The following SBDS variants were observed in gnomAD, a reference collection of about 807,000 sequenced individuals.
SBDS encodes the protein ribosome maturation protein SBDS.
In SBDS, 20 loss-of-function variants were observed where a neutral mutation model predicts 26.4. The ratio of observed to expected loss-of-function variants is 0.76; its 90% CI spans 0.53 to 1.10. The LOEUF (loss-of-function observed/expected upper bound fraction) is 1.10, where lower values mean the gene tolerates loss of function less well. SBDS is among the 50% of genes least tolerant of loss of function. The pLI, the probability that SBDS is intolerant of heterozygous loss-of-function variation, is 0.00. For synonymous variants in SBDS, 95 were observed against 105.1 expected (o/e 0.90, Z 0.59); for missense variants, 241 against 302.0 (o/e 0.80, Z 1.50).
Position 66,994,283 on chromosome 7 carries a change from C to A in SBDS, c.187G>T (p.Gly63Cys). Residue 63 changes from glycine (G) to cysteine (C), a missense_variant, in exon 2 of 5, where the codon GGT (glycine) becomes TGT (cysteine). Gly to Cys is a radical substitution (Grantham distance 159, BLOSUM62 -3). Transcript: ENST00000246868. ...THSVFVNVSK[G>C]QVAKKEDLIS... ...AGATCTTCCTTTTTGGCAACCTGAC[C>A]TTTAGAAACATTTACAAACACTGAG... is the stretch of plus-strand genomic sequence containing the variant. The A allele has an allele frequency of 6.2e-7, 1 of 1,614,098 alleles. No individual in the cohort carries two copies. The highest frequency in any genetic ancestry group is 8.5e-7 in the Non-Finnish European group (1 of 1,179,978).
Position 66,995,514 on chromosome 7 carries a change from G to A in SBDS, c.-97C>T, listed in dbSNP as rs1234688256. On this transcript the variant is annotated 5_prime_UTR_variant, in exon 1 of 5. Transcript: ENST00000246868. ...CGCCTCGCGGTAACGACCGATCGGC[G>A]CGCGGCACTGACCCAACCACCAGTG... is the stretch of plus-strand genomic sequence containing the variant. The A allele has an allele frequency of 1.3e-6, 2 of 1,578,660 alleles. No homozygotes were observed. Among genetic ancestry groups the A allele is most frequent in the Non-Finnish European group, 1.7e-6 (2 of 1,155,162 alleles).
chr7:66,992,157 T>C (rs996598583), intron 3 of SBDS, among the ~76,000 whole-genome samples: 3 of 152,308 alleles, frequency 2.0e-5, no homozygotes, highest in Middle Eastern at 3.4e-3. Flanking sequence ...TTCCGTACAG[T>C]GGGCTATTAT....
rs758052005 is a variant in SBDS at position 66,993,331 on chromosome 7, C to T, written c.345G>A (p.Val115=). 5 of 1,614,024 alleles carry T rather than the reference C, an allele frequency of 3.1e-6. No individual in the cohort carries two copies. ...EQMFRDIATI[V]ADKCVNPETK... Reference sequence around the variant, plus strand: ...TTTCAGGATTCACACATTTGTCTGCCACAATAGTTGCAATGTCCCTAAACA... The same window carrying T: ...TTTCAGGATTCACACATTTGTCTGCTACAATAGTTGCAATGTCCCTAAACA... The change falls in exon 3 of 5, where the codon GTG becomes GTA. Residue 115 remains valine (V), a synonymous_variant. Coordinates refer to ENST00000246868, the MANE Select transcript of SBDS (RefSeq NM_016038.4).
At position 66,993,336 on chromosome 7, in the gene SBDS, T is replaced by A; in HGVS notation, c.340A>T (p.Ile114Phe). ...LEQMFRDIATIVADKCVNPET... is the reference protein window; with the variant it reads ...LEQMFRDIATFVADKCVNPET... ...GGATTCACACATTTGTCTGCCACAATAGTTGCAATGTCCCTAAACATCTGC... is the reference window on the plus strand; with the variant it reads ...GGATTCACACATTTGTCTGCCACAAAAGTTGCAATGTCCCTAAACATCTGC... The change falls in exon 3 of 5, where the codon ATT (isoleucine) becomes TTT (phenylalanine). Residue 114 changes from isoleucine (I) to phenylalanine (F), a missense_variant. Physicochemically the swap from Ile to Phe is conservative, Grantham distance 21. Coordinates refer to ENST00000246868, the MANE Select transcript of SBDS (RefSeq NM_016038.4). The A allele has an allele frequency of 6.2e-7, 1 of 1,614,146 alleles. No individual in the cohort carries two copies. Among genetic ancestry groups the A allele is most frequent in the Non-Finnish European group, 8.5e-7 (1 of 1,179,978 alleles).
At chr7:66,989,032 G>A (rs1792922724) in intron 4 of SBDS, among the ~76,000 whole-genome samples, 1 of 151,850 alleles carries the variant, frequency 6.6e-6, no homozygotes, top group Non-Finnish European at 1.5e-5. Flanking sequence ...ACCACACCTG[G>A]CTTATTTTTT....
Position 66,993,297 on chromosome 7 carries a change from G to T in SBDS, c.379C>A (p.Pro127Thr). The change falls in exon 3 of 5, where the codon CCA becomes ACA. Residue 127 changes from proline to threonine, a missense_variant. Coordinates refer to ENST00000246868, the MANE Select transcript of SBDS (RefSeq NM_016038.4). Reference protein sequence around the residue: ...DKCVNPETKRPYTVILIERAM... With the variant: ...DKCVNPETKRTYTVILIERAM... ...CTCTCAATAAGGATCACGGTGTATG[G>T]TCTCTTTGTTTCAGGATTCACACAT... 1 of 1,614,056 alleles carries T rather than the reference G, an allele frequency of 6.2e-7. No homozygotes were observed. The highest frequency in any genetic ancestry group is 1.1e-5 in the South Asian group (1 of 91,074).
rs538441790 is a variant in SBDS, at chr7:66,994,551, A to G, written c.129-210T>C. 4.6e-5 allele frequency among the ~76,000 whole-genome samples: 7 copies of G among 150,894 alleles called. 1 individual carries two copies. Among genetic ancestry groups the G allele is most frequent in the Admixed American group, 6.7e-5 (1 of 15,022 alleles). Reference sequence around the variant, plus strand: ...CTGTTTTTGCCCAGGCTGGAGTGCAATGGCGCGATCTCGGGTCACTGTAAC... The same window carrying G: ...CTGTTTTTGCCCAGGCTGGAGTGCAGTGGCGCGATCTCGGGTCACTGTAAC... On this transcript the variant is annotated intron_variant, in intron 1 of 4. Transcript: ENST00000246868.
At position 66,994,230 on chromosome 7, in the gene SBDS, T is replaced by C. The variant is rs775652243; in HGVS notation, c.240A>G (p.Gln80=). The change falls in exon 2 of 5, where the codon CAA becomes CAG. Residue 80 remains glutamine, a synonymous_variant. Transcript: ENST00000246868. The part of the protein sequence containing the change: ...DLISAFGTDD[Q]TEICKQILTK... Reference sequence around the variant, plus strand: ...TACCCACCTGCTTACAGATTTCAGTTTGGTCATCTGTTCCAAACGCACTGA... The same window carrying C: ...TACCCACCTGCTTACAGATTTCAGTCTGGTCATCTGTTCCAAACGCACTGA... 1.2e-6 allele frequency: 2 copies of C among 1,614,124 alleles called. No homozygotes were observed. Among genetic ancestry groups the C allele is most frequent in the South Asian group, 1.1e-5 (1 of 91,084 alleles).
Position 66,994,274 on chromosome 7 carries a change from C to A in SBDS, c.196G>T (p.Ala66Ser). ...VFVNVSKGQV[A>S]KKEDLISAFG... ...GCACTGATGAGATCTTCCTTTTTGG[C>A]AACCTGACCTTTAGAAACATTTACA... The change falls in exon 2 of 5, where the codon GCC becomes TCC. Residue 66 changes from alanine (A) to serine (S), a missense_variant. Transcript: ENST00000246868. 6.2e-7 allele frequency: 1 copy of A among 1,614,090 alleles called. No individual in the cohort carries two copies. The highest frequency in any genetic ancestry group is 8.5e-7 in the Non-Finnish European group (1 of 1,179,958).
intron 4 of SBDS, among the ~76,000 whole-genome samples, chr7:66,988,923 G>A (rs1792920527): frequency 6.6e-6 from 1 of 152,072 alleles, no homozygotes; most frequent in Non-Finnish European, 1.5e-5. Context: ...GAGATAGAGT[G>A]CAGTGGTGTG....
chr7:66,990,943 GGAGGC>G, intron 4 of SBDS, 189 bp downstream of exon 4: 1 of 484,656 alleles, frequency 2.1e-6, no homozygotes, highest in Non-Finnish European at 3.7e-6. Flanking sequence ...CGTGTACCCG[GGAGGC>G]GGAGCTTGCA....
At chr7:66,989,005 G>A (rs1792922375) in intron 4 of SBDS, among the ~76,000 whole-genome samples, 1 of 151,916 alleles carries the variant, frequency 6.6e-6, no homozygotes, top group South Asian at 2.1e-4. Context: ...AAGAAACTGG[G>A]ATTACAGGAA....
chr7:66,988,323 G>C lies in SBDS; in HGVS notation c.*48C>G. 1 of 1,602,780 alleles carries C rather than the reference G, an allele frequency of 6.2e-7. No individual in the cohort carries two copies. Among genetic ancestry groups the C allele is most frequent in the Non-Finnish European group, 8.5e-7 (1 of 1,174,642 alleles). ...ACCACAGACATGAAACAGTGCCGTC[G>C]GAAACGGAAACACTTTAGTGTTTTA... On this transcript the variant is annotated 3_prime_UTR_variant, in exon 5 of 5. Coordinates refer to ENST00000246868, the MANE Select transcript of SBDS (RefSeq NM_016038.4).
chr7:66,992,783 G>A (rs1793001149), intron 3 of SBDS, among the ~76,000 whole-genome samples: 2 of 152,022 alleles, frequency 1.3e-5, no homozygotes, highest in South Asian at 4.2e-4. Context: ...CAAGGCGGAC[G>A]GATCACCTAG....
intron 4 of SBDS, 61 bp from the exon 5 acceptor site, chr7:66,988,560 G>C (rs1361069665): frequency 1.3e-6 from 2 of 1,593,678 alleles, no homozygotes; most frequent in Middle Eastern, 2.2e-4. Context: ...AATAAACTCA[G>C]CTTTAACTTC....
intron 1 of SBDS, 152 bp from the exon 2 acceptor site, chr7:66,994,493 A>G: frequency 1.5e-6 from 1 of 648,504 alleles, no homozygotes; most frequent in Non-Finnish European, 2.6e-6. Context: ...TCTTTTTCTT[A>G]CCCCCCAACC....
chr7:66,994,003 T>C (rs563554251), intron 2 of SBDS, among the ~76,000 whole-genome samples: 1 of 147,536 alleles, frequency 6.8e-6, no homozygotes, highest in African/African-American at 2.5e-5. Flanking sequence ...GAAAATCTGA[T>C]TTCAGGAGGT....
In SBDS at chr7:66,988,358, A is replaced by C. The variant is rs752429168; in HGVS notation, c.*13T>G. On this transcript the variant is annotated 3_prime_UTR_variant, in exon 5 of 5. Transcript: ENST00000246868. ...ACACTTTAGTGTTTTAGAGGTGAAG[A>C]GATTGATGGGTGTCATTCAAATTTC... 10 of 1,612,580 alleles carry C rather than the reference A, an allele frequency of 6.2e-6. No homozygotes were observed. Among genetic ancestry groups the C allele is most frequent in the Non-Finnish European group, 8.5e-6 (10 of 1,179,866 alleles).
intron 3 of SBDS, 25 bp from the exon 4 acceptor site, chr7:66,991,326 A>G (rs1442783052): frequency 3.2e-6 from 5 of 1,567,152 alleles, no homozygotes; most frequent in Non-Finnish European, 1.8e-6. Context: ...TCGAGAATGC[A>G]ATTTCTTCTA....
Sources: allele counts gnomAD v4.1 joint callset (sites outside exome capture counted in the v4.1 genomes callset), GRCh38; gene constraint gnomAD v4.1.1; transcripts MANE v1.5; gene names NCBI Gene and HGNC (gene_info 2026-07-23, HGNC 2026-07-21).